Variants in KLHL3 observed in about 807,000 individuals in gnomAD.
The protein encoded by KLHL3 is kelch like family member 3.
Under a neutral mutation model 70.5 loss-of-function variants are expected in KLHL3, and 19 were observed. That is an observed-to-expected ratio of 0.27 (90% CI 0.19 to 0.40). KLHL3 has a LOEUF of 0.40. Ranked by LOEUF, KLHL3 falls within the 10% of genes least tolerant of loss-of-function variation. The pLI is 1.00. For missense variants in KLHL3, 512 were observed against 771.1 expected (o/e 0.66, Z 3.98); for synonymous variants, 258 against 290.3 (o/e 0.89, Z 1.13).
At chr5:137,663,704 C>T (rs1180438463) in intron 6 of KLHL3, among the ~76,000 whole-genome samples, 1 of 151,788 alleles carries the variant, frequency 6.6e-6, no homozygotes, top group Non-Finnish European at 1.5e-5. Context: ...TAGTTGAATC[C>T]CTGGATATGG....
chr5:137,650,547 C>T (rs544380632), intron 8 of KLHL3, among the ~76,000 whole-genome samples: 3 of 152,148 alleles, frequency 2.0e-5, no homozygotes, highest in South Asian at 2.1e-4. Context: ...TGGCAAGGCA[C>T]GGTGGCTCAT....
At chr5:137,733,320 G>T (rs1234586872) in intron 1 of KLHL3, among the ~76,000 whole-genome samples, 1 of 152,206 alleles carries the variant, frequency 6.6e-6, no homozygotes, top group African/African-American at 2.4e-5. Flanking sequence ...ATTGGCCAAA[G>T]GCTTCAGTCT....
chr5:137,662,179 A>C, intron 6 of KLHL3, 148 bp from the exon 7 acceptor site: 1 of 595,070 alleles, frequency 1.7e-6, no homozygotes, highest in Middle Eastern at 4.4e-4. Context: ...CTCATATTTA[A>C]AATAAAAACA....
chr5:137,631,339 G>T (rs1024156149), intron 12 of KLHL3, among the ~76,000 whole-genome samples: 1 of 152,176 alleles, frequency 6.6e-6, no homozygotes, highest in Non-Finnish European at 1.5e-5. Context: ...AATCCCAAAG[G>T]ATCATAGAGC....
rs1421582856 is a variant in KLHL3 at position 137,617,519 on chromosome 5, A to G, written c.*4579T>C. On this transcript the variant is annotated 3_prime_UTR_variant, in exon 15 of 15. Coordinates refer to ENST00000309755, the MANE Select transcript of KLHL3 (RefSeq NM_017415.3). ...GAAAAGTTCACACAGTTCAGCTTTT[A>G]TTAAAATTAAAGGATGGGAAATTAG... 6.6e-6 allele frequency: 1 copy of G among 152,272 alleles called. No homozygotes were observed. The highest frequency in any genetic ancestry group is 2.4e-5 in the African/African-American group (1 of 41,470). The allele number at this position is 152,272 out of a possible 1,614,324, so 9.4% of individuals were successfully genotyped here.
Position 137,714,993 on chromosome 5 carries a change from T to C in KLHL3, c.135-5137A>G, listed in dbSNP as rs150734889. On this transcript the variant is annotated intron_variant, in intron 2 of 14. Transcript: ENST00000309755. ...TGGATTCTACTCATTGGTTGTTCCA[T>C]TCTCTCTGCCCCTTCTTTTCAGGCC... is the stretch of plus-strand genomic sequence containing the variant. 9.2e-3 allele frequency among the ~76,000 whole-genome samples: 1,399 copies of C among 152,336 alleles called. 24 individuals carry two copies. The highest frequency in any genetic ancestry group is 0.032 in the African/African-American group (1,316 of 41,572).
chr5:137,619,069 T>A lies in KLHL3; in HGVS notation c.*3029A>T, dbSNP rs919822760. On this transcript the variant is annotated 3_prime_UTR_variant, in exon 15 of 15. Coordinates refer to ENST00000309755, the MANE Select transcript of KLHL3 (RefSeq NM_017415.3). ...AAGCGATTCAAACTCTTGAAAAAAA[T>A]ATCTTATAAAAATATCTACGTTAAA... The A allele has an allele frequency of 5.2e-5, 8 of 152,484 alleles. No homozygotes were observed. Among genetic ancestry groups the A allele is most frequent in the African/African-American group, 1.4e-4 (6 of 41,394 alleles). The allele number at this position is 152,484 out of a possible 1,614,324, so 9.4% of individuals were successfully genotyped here.
chr5:137,630,691 A>G (rs534346748), intron 12 of KLHL3, among the ~76,000 whole-genome samples: 2 of 152,370 alleles, frequency 1.3e-5, no homozygotes, highest in Admixed American at 1.3e-4. Flanking sequence ...GGGAACACCT[A>G]CTACAACCCT....
intron 6 of KLHL3, among the ~76,000 whole-genome samples, chr5:137,676,181 C>T (rs890348354): frequency 1.4e-4 from 21 of 152,180 alleles, no homozygotes; most frequent in Non-Finnish European, 8.8e-5. Context: ...ACAGTTTTAA[C>T]AAATGACTTT....
intron 5 of KLHL3, among the ~76,000 whole-genome samples, chr5:137,691,179 C>A (rs1486292524): frequency 6.6e-6 from 1 of 152,112 alleles, no homozygotes; most frequent in Non-Finnish European, 1.5e-5. Flanking sequence ...GAGGACTGTT[C>A]TAACAAGAAT....
At chr5:137,717,540 A>AATAAAT (rs376683039) in intron 2 of KLHL3, among the ~76,000 whole-genome samples, 1 of 152,250 alleles carries the variant, frequency 6.6e-6, no homozygotes, top group African/African-American at 2.4e-5. Flanking sequence ...CAAAAAAATA[A>AATAAAT]AAATAAATAA....
At position 137,627,483 on chromosome 5, in the gene KLHL3, C is replaced by CA. The variant is rs1043712262; in HGVS notation, c.1591+813_1591+814insT. 4.7e-5 allele frequency among the ~76,000 whole-genome samples: 6 copies of CA among 127,342 alleles called. 1 individual carries two copies. Among genetic ancestry groups the CA allele is most frequent in the East Asian group, 2.6e-4 (1 of 3,846 alleles). 83.5% of individuals were successfully genotyped at this position (127,342 alleles called of 152,430 possible). On this transcript the variant is annotated intron_variant, in intron 13 of 14. Coordinates refer to ENST00000309755, the MANE Select transcript of KLHL3 (RefSeq NM_017415.3). Reference sequence around the variant, plus strand: ...TAAATTAGTAAATATCACCACCCCCCCCCCCGGTTTACACTTCCAAGTCAG... The same window carrying CA: ...TAAATTAGTAAATATCACCACCCCCCACCCCCGGTTTACACTTCCAAGTCAG...
chr5:137,633,247 C>CT (rs1416482741), intron 12 of KLHL3, among the ~76,000 whole-genome samples: 65 of 118,898 alleles, frequency 5.5e-4, no homozygotes, highest in African/African-American at 1.9e-3. Flanking sequence ...CCACTGCACT[C>CT]TAGCCTGGGC....
At chr5:137,662,999 A>C (rs1751519369) in intron 6 of KLHL3, among the ~76,000 whole-genome samples, 1 of 151,710 alleles carries the variant, frequency 6.6e-6, no homozygotes, top group Non-Finnish European at 1.5e-5. Context: ...AGAAATTATT[A>C]AAGGAGTATC....
chr5:137,671,710 C>T (rs1751763718), intron 6 of KLHL3: 1 of 152,156 alleles, frequency 6.6e-6, no homozygotes, highest in Admixed American at 6.5e-5. Context: ...AAATCAGACA[C>T]AAAAGCACAC....
chr5:137,670,677 C>CA (rs1046806892), intron 6 of KLHL3, among the ~76,000 whole-genome samples: 2 of 151,850 alleles, frequency 1.3e-5, no homozygotes, highest in Non-Finnish European at 2.9e-5. Flanking sequence ...AACAAACAAA[C>CA]AAAAAAACCT....
At chr5:137,705,195 T>G (rs1752661477) in intron 3 of KLHL3, among the ~76,000 whole-genome samples, 2 of 152,250 alleles carry the variant, frequency 1.3e-5, no homozygotes, top group Admixed American at 1.3e-4. Flanking sequence ...TTTGCTGAGC[T>G]GCATGTTATG....
intron 7 of KLHL3, 113 bp downstream of exon 7, chr5:137,661,802 C>A: frequency 1.5e-6 from 1 of 674,104 alleles, no homozygotes; most frequent in Non-Finnish European, 2.7e-6. Context: ...TCCCTCAGCA[C>A]ATACAGAAGA....
At chr5:137,646,754 C>A (rs767244817) in intron 8 of KLHL3, among the ~76,000 whole-genome samples, 1 of 152,114 alleles carries the variant, frequency 6.6e-6, no homozygotes, top group Non-Finnish European at 1.5e-5. Context: ...GATTAATATG[C>A]CTTTATTAGA....
Sources: gnomAD v4.1 joint callset for allele counts (sites outside exome capture counted in the v4.1 genomes callset) on GRCh38, gnomAD v4.1.1 for gene constraint, MANE v1.5 for transcripts, NCBI Gene and HGNC (gene_info 2026-07-23, HGNC 2026-07-21) for gene names.